NEDD4: variants seen among roughly 807,000 people sequenced by gnomAD.
The protein encoded by NEDD4 is NEDD4 E3 ubiquitin protein ligase.
NEDD4 carries 99 observed loss-of-function variants against 144.9 expected under a neutral mutation model. The observed-to-expected ratio is 0.68, with a 90% CI of 0.58 to 0.81. The LOEUF is 0.81. NEDD4 is among the 30% of genes least tolerant of loss of function. The pLI is 0.00. For synonymous variants in NEDD4, 318 were observed against 350.6 expected, an observed-to-expected ratio of 0.91 and a Z score of 1.04; for missense variants, 985 against 1,065.9, an observed-to-expected ratio of 0.92 and a Z score of 1.06.
At chr15:55,849,069 G>A (rs2033872039) in intron 14 of NEDD4, among the ~76,000 whole-genome samples, 183 bp from the exon 15 acceptor site, 1 of 151,988 alleles carries the variant, frequency 6.6e-6, no homozygotes, top group Admixed American at 6.6e-5. Context: ...TCACTGTCAG[G>A]CTATAATATC....
At chr15:55,919,480 A>G (rs751473286) in intron 5 of NEDD4, among the ~76,000 whole-genome samples, 2 of 152,228 alleles carry the variant, frequency 1.3e-5, no homozygotes, top group Non-Finnish European at 2.9e-5. Context: ...GGGAGGCTGA[A>G]CAATTTGCAT....
At chr15:55,959,074 G>A (rs1293023555) in intron 2 of NEDD4, among the ~76,000 whole-genome samples, 4 of 149,230 alleles carry the variant, frequency 2.7e-5, no homozygotes, top group Admixed American at 1.3e-4. Flanking sequence ...GAATTCATTC[G>A]CTCTTCTTTT....
chr15:55,838,162 T>A lies in NEDD4; in HGVS notation c.2146A>T (p.Lys716Ter). ...ACAACTATTTCTGATCCACCATTTT[T>A]CAGCTCATGTTGATGTGTCTAAAAT... is the stretch of plus-strand genomic sequence containing the variant. ...LFGQTHQHEL[K>*]NGGSEIVVTN... Residue 716 changes from lysine (K) to a stop codon, truncating the protein, a stop_gained, in exon 23 of 29, where the codon AAA becomes TAA. Coordinates refer to ENST00000435532, the MANE Select transcript of NEDD4 (RefSeq NM_006154.4). LOFTEE classifies it high-confidence loss of function. 1 of 1,597,708 alleles carries A rather than the reference T, an allele frequency of 6.3e-7. No homozygotes were observed. Among genetic ancestry groups the A allele is most frequent in the Non-Finnish European group, 8.5e-7 (1 of 1,169,916 alleles).
At chr15:55,907,030 G>C (rs2142177677) in intron 5 of NEDD4, among the ~76,000 whole-genome samples, 1 of 152,120 alleles carries the variant, frequency 6.6e-6, no homozygotes, top group Non-Finnish European at 1.5e-5. Flanking sequence ...GGGAGGCAGA[G>C]GTTGCAGTGA....
chr15:55,939,495 C>T (rs367697468), intron 4 of NEDD4, among the ~76,000 whole-genome samples: 10 of 151,962 alleles, frequency 6.6e-5, no homozygotes, highest in African/African-American at 9.7e-5. Context: ...AGTGTGAAAA[C>T]GGACTAATAC....
chr15:55,982,581 G>A (rs8034692), intron 1 of NEDD4, among the ~76,000 whole-genome samples: 12,917 of 152,180 alleles, frequency 0.085, 608 homozygotes, highest in Admixed American at 0.11. Flanking sequence ...ATAGAGAGTA[G>A]ACGGGCAGAA....
In NEDD4 at chr15:55,975,473, A is replaced by G. The variant is rs560749361; in HGVS notation, c.46-8927T>C. Among the ~76,000 whole-genome samples the G allele has an allele frequency of 8.5e-5, 13 of 152,342 alleles. No individual in the cohort carries two copies. The South Asian group carries it at 2.5e-3, about 29-fold the overall frequency. On this transcript the variant is annotated intron_variant, in intron 1 of 28. Transcript: ENST00000435532. ...AAGGTATTAAATCAGTAGCATTTTT[A>G]TATGCCAACAGTGAACAATCTGAAA...
At chr15:55,846,789 A>C (rs2033764933) in intron 18 of NEDD4, among the ~76,000 whole-genome samples, 180 bp downstream of exon 18, 1 of 152,222 alleles carries the variant, frequency 6.6e-6, no homozygotes, top group Non-Finnish European at 1.5e-5. Flanking sequence ...GACATAAACT[A>C]ATTATGGTCT....
chr15:55,978,811 G>A (rs1342246676), intron 1 of NEDD4, among the ~76,000 whole-genome samples: 1 of 151,378 alleles, frequency 6.6e-6, no homozygotes, highest in Non-Finnish European at 1.5e-5. Context: ...GTGATGTAAT[G>A]TGTTATCTAT....
intron 1 of NEDD4, among the ~76,000 whole-genome samples, chr15:55,978,570 G>A (rs2037743664): frequency 6.6e-6 from 1 of 152,256 alleles, no homozygotes; most frequent in South Asian, 2.1e-4. Context: ...CAGAAATCTG[G>A]ATAGTGCTTA....
chr15:55,971,755 A>G (rs12591179), intron 1 of NEDD4, among the ~76,000 whole-genome samples: 22,555 of 152,132 alleles, frequency 0.15, 1,801 homozygotes, highest in East Asian at 0.32. Flanking sequence ...TCAGGCACAG[A>G]AAGGTTATAG....
chr15:55,956,932 G>A (rs2037347445), intron 2 of NEDD4, among the ~76,000 whole-genome samples: 1 of 152,160 alleles, frequency 6.6e-6, no homozygotes, highest in African/African-American at 2.4e-5. Flanking sequence ...AATGAAAACA[G>A]CATATGTATC....
At chr15:55,845,648 A>G (rs1385156677) in intron 18 of NEDD4, among the ~76,000 whole-genome samples, 1 of 152,174 alleles carries the variant, frequency 6.6e-6, no homozygotes, top group Admixed American at 6.5e-5. Flanking sequence ...TGGAGAAGCT[A>G]GTGCTTCTAT....
chr15:55,871,418 G>A (rs929166763), intron 7 of NEDD4, among the ~76,000 whole-genome samples: 14 of 152,312 alleles, frequency 9.2e-5, no homozygotes, highest in Middle Eastern at 3.4e-3. Context: ...GAAACAAATT[G>A]TATTTTTTAA....
intron 1 of NEDD4, among the ~76,000 whole-genome samples, chr15:55,977,387 A>G (rs2037723707): frequency 6.6e-6 from 1 of 152,358 alleles, no homozygotes; most frequent in African/African-American, 2.4e-5. Context: ...AGTAGGCTAT[A>G]CTTTCTAGGT....
In NEDD4 at chr15:55,924,693, G is replaced by T; in HGVS notation, c.244C>A (p.Pro82Thr). 1.2e-6 allele frequency: 2 copies of T among 1,608,588 alleles called. No homozygotes were observed. Among genetic ancestry groups the T allele is most frequent in the Non-Finnish European group, 1.7e-6 (2 of 1,177,386 alleles). The change falls in exon 5 of 29, where the codon CCT becomes ACT. Residue 82 changes from proline to threonine, a missense_variant. Physicochemically the swap from Pro to Thr is conservative, Grantham distance 38. Coordinates refer to ENST00000435532, the MANE Select transcript of NEDD4 (RefSeq NM_006154.4). ...WNEEILFRVH[P>T]QQHRLLFEVF... ...TCAAAAAGAAGCCGGTGCTGCTGAG[G>T]ATGAACCTAAGAAAAACACAATCTT...
chr15:55,890,397 T>C (rs73416234), intron 5 of NEDD4, among the ~76,000 whole-genome samples: 4 of 151,956 alleles, frequency 2.6e-5, no homozygotes, highest in Admixed American at 6.6e-5. Flanking sequence ...CACCAACCAC[T>C]TTCTGTCTTT....
intron 4 of NEDD4, among the ~76,000 whole-genome samples, chr15:55,926,027 G>T (rs952533): frequency 6.6e-6 from 1 of 151,144 alleles, no homozygotes; most frequent in Non-Finnish European, 1.5e-5. Context: ...ATACATATAC[G>T]TATGTATCAT....
chr15:55,992,162 G>T (rs981800395), intron 1 of NEDD4, among the ~76,000 whole-genome samples: 8 of 152,150 alleles, frequency 5.3e-5, no homozygotes, highest in Admixed American at 5.2e-4. Context: ...TTCTGATCTC[G>T]TCTACAGAAT....
Sources: gnomAD v4.1 joint callset for allele counts (sites outside exome capture counted in the v4.1 genomes callset) on GRCh38, gnomAD v4.1.1 for gene constraint, MANE v1.5 for transcripts, NCBI Gene and HGNC (gene_info 2026-07-23, HGNC 2026-07-21) for gene names.